The following SEC24A variants were observed in gnomAD, a reference collection of about 807,000 sequenced individuals.
SEC24A encodes SEC24 homolog A, COPII component, also known as protein transport protein Sec24A.
Under a neutral mutation model 129.4 loss-of-function variants are expected in SEC24A, and 93 were observed. The observed-to-expected ratio is 0.72, with a 90% CI of 0.61 to 0.85. The LOEUF (loss-of-function observed/expected upper bound fraction) is 0.85, where lower values mean the gene tolerates loss of function less well. Among genes scored for constraint, SEC24A ranks in the 40% least tolerant of loss-of-function variants. The pLI is 0.00. For synonymous variants in SEC24A, 460 were observed against 467.3 expected (o/e 0.98, Z 0.20); for missense variants, 1,264 against 1,307.4 (o/e 0.97, Z 0.51).
chr5:134,649,501 C>T (rs1488409085), intron 1 of SEC24A, among the ~76,000 whole-genome samples: 1 of 152,098 alleles, frequency 6.6e-6, no homozygotes, highest in South Asian at 2.1e-4. Context: ...CCTTCCTTGC[C>T]ACCTCACCCC....
At chr5:134,706,214 T>C (rs1223293414) in intron 17 of SEC24A, among the ~76,000 whole-genome samples, 1 of 152,164 alleles carries the variant, frequency 6.6e-6, no homozygotes, top group Non-Finnish European at 1.5e-5. Flanking sequence ...TGGTTAATAT[T>C]AGTGCTGTTT....
intron 1 of SEC24A, among the ~76,000 whole-genome samples, chr5:134,651,127 C>T (rs1462441031): frequency 1.4e-5 from 2 of 143,578 alleles, no homozygotes; most frequent in African/African-American, 2.6e-5. Flanking sequence ...CAGGATCTTA[C>T]TTAAACTGTC....
chr5:134,666,955 A>T lies in SEC24A; in HGVS notation c.698A>T (p.Asp233Val), dbSNP rs1220411052. 22 of 1,608,730 alleles carry T rather than the reference A, an allele frequency of 1.4e-5. No individual in the cohort carries two copies. Among genetic ancestry groups the T allele is most frequent in the Non-Finnish European group, 1.9e-5 (22 of 1,178,748 alleles). ...ACGCCCCTGACATCATCATATAGAG[A>T]TGTACCCCAGCCCTTATTTAATTCA... The part of the protein sequence containing the change: ...ALTPLTSSYR[D>V]VPQPLFNSAV... Residue 233 changes from aspartate to valine, a missense_variant, in exon 3 of 23, where the codon GAT becomes GTT. Physicochemically the swap from Asp to Val is radical, Grantham distance 152. Coordinates refer to ENST00000398844, the MANE Select transcript of SEC24A (RefSeq NM_021982.3).
chr5:134,712,203 G>A (rs1752347656), intron 18 of SEC24A, among the ~76,000 whole-genome samples: 1 of 151,914 alleles, frequency 6.6e-6, no homozygotes, highest in South Asian at 2.1e-4. Flanking sequence ...GGTGAGAAGA[G>A]CAACTCATTA....
chr5:134,683,273 C>T (rs1404168871), intron 9 of SEC24A, among the ~76,000 whole-genome samples: 2 of 152,204 alleles, frequency 1.3e-5, no homozygotes, highest in Non-Finnish European at 2.9e-5. Context: ...CCCACCTCGG[C>T]CTCCCAGAGT....
intron 9 of SEC24A, among the ~76,000 whole-genome samples, chr5:134,686,459 A>G (rs979748010): frequency 1.3e-5 from 2 of 151,902 alleles, no homozygotes; most frequent in African/African-American, 2.4e-5. Flanking sequence ...CTGGTCTCGA[A>G]CTCCTGACCT....
At position 134,658,124 on chromosome 5, in the gene SEC24A, C is replaced by CG. The variant is rs543883023; in HGVS notation, c.98-2995_98-2994insG. Among the ~76,000 whole-genome samples, 35 of 152,072 alleles carry CG rather than the reference C, an allele frequency of 2.3e-4. 2 individuals are homozygous for CG. The South Asian group carries it at 7.3e-3, about 32-fold the overall frequency. Reference sequence around the variant, plus strand: ...TCTCTACTAAAAATACAAAATTAGCCAGCGTGGTGGTGCACACCTGTAATC... The same window carrying CG: ...TCTCTACTAAAAATACAAAATTAGCCGAGCGTGGTGGTGCACACCTGTAATC... On this transcript the variant is annotated intron_variant, in intron 1 of 22. Coordinates refer to ENST00000398844, the MANE Select transcript of SEC24A (RefSeq NM_021982.3).
In SEC24A at chr5:134,661,576, C is replaced by A; in HGVS notation, c.555C>A (p.Phe185Leu). The A allele has an allele frequency of 1.2e-6, 2 of 1,609,540 alleles. No homozygotes were observed. The highest frequency in any genetic ancestry group is 2.2e-5 in the South Asian group (2 of 90,924). ...GATATCCTTCACTTCAAAATAGCTT[C>A]ATAAAGTCAGGTAGTATTCTTATAG... ...SSGYPSLQNS[F>L]IKSGPSVPPL... is the part of the protein sequence containing the mutation. The change falls in exon 2 of 23, where the codon TTC becomes TTA. Residue 185 changes from phenylalanine (F) to leucine (L), a missense_variant. Phe to Leu is a conservative substitution (Grantham distance 22). Coordinates refer to ENST00000398844, the MANE Select transcript of SEC24A (RefSeq NM_021982.3).
chr5:134,662,086 C>T (rs548568451), intron 2 of SEC24A, among the ~76,000 whole-genome samples: 3 of 152,198 alleles, frequency 2.0e-5, no homozygotes, highest in Admixed American at 6.6e-5. Flanking sequence ...CCACCTCAGC[C>T]TCCCAAAGTG....
intron 15 of SEC24A, among the ~76,000 whole-genome samples, chr5:134,701,513 C>CT (rs10714056): frequency 2.8e-4 from 39 of 136,928 alleles, no homozygotes; most frequent in Non-Finnish European, 3.7e-4. Context: ...CCTTTGCCCT[C>CT]TTTTTTTTTT....
chr5:134,716,800 CAAAA>C (rs200176385), intron 19 of SEC24A, among the ~76,000 whole-genome samples: 1 of 58,768 alleles, frequency 1.7e-5, no homozygotes. Flanking sequence ...GATTCCATCT[CAAAA>C]AAAAAAAAAA....
intron 3 of SEC24A, among the ~76,000 whole-genome samples, chr5:134,670,209 G>A (rs1750810043): frequency 6.6e-6 from 1 of 152,218 alleles, no homozygotes; most frequent in African/African-American, 2.4e-5. Flanking sequence ...ACAGGTGTAA[G>A]CGTCCACGCC....
At position 134,674,618 on chromosome 5, in the gene SEC24A, C is replaced by T. The variant is rs749069996; in HGVS notation, c.821C>T (p.Thr274Ile). The T allele has an allele frequency of 5.6e-6, 9 of 1,612,420 alleles. No homozygotes were observed. In the Middle Eastern group the frequency reaches 8.3e-4, roughly 148 times the overall value. ...DEIEGGGLLA[T>I]PQLTNKNPKM... is the part of the protein sequence containing the mutation. ...TTAAAAGTTACCTTGTTTCTAGCAACACCACAGCTTACTAACAAGAATCCC... is the reference window on the plus strand; with the variant it reads ...TTAAAAGTTACCTTGTTTCTAGCAATACCACAGCTTACTAACAAGAATCCC... Residue 274 changes from threonine to isoleucine, a missense_variant, in exon 5 of 23, where the codon ACA becomes ATA. Physicochemically the swap from Thr to Ile is moderately conservative, Grantham distance 89. Coordinates refer to ENST00000398844, the MANE Select transcript of SEC24A (RefSeq NM_021982.3).
chr5:134,718,037 TA>T (rs1752528956), intron 19 of SEC24A, 31 bp from the exon 20 acceptor site: 2 of 1,537,188 alleles, frequency 1.3e-6, no homozygotes, highest in African/African-American at 1.4e-5. Flanking sequence ...TTCCTATATT[TA>T]AAACCTTTAC....
chr5:134,715,037 C>A lies in SEC24A; in HGVS notation c.2741C>A (p.Thr914Asn), dbSNP rs375906594. ...TTTCTGTTACAGAAATCATTCCAGA[C>A]TGGGACAAATGCACGTCTAGATGAA... The part of the protein sequence containing the change: ...LALLKQKSFQ[T>N]GTNARLDERI... The change falls in exon 19 of 23, where the codon ACT becomes AAT. Residue 914 changes from threonine to asparagine, a missense_variant. By Grantham distance (65) the Thr-to-Asn change is moderately conservative. Coordinates refer to ENST00000398844, the MANE Select transcript of SEC24A (RefSeq NM_021982.3). 7.4e-6 allele frequency: 12 copies of A among 1,612,570 alleles called. No individual in the cohort carries two copies. The highest frequency in any genetic ancestry group is 1.3e-5 in the African/African-American group (1 of 74,796).
At position 134,697,979 on chromosome 5, in the gene SEC24A, A is replaced by G; in HGVS notation, c.2188A>G (p.Lys730Glu). The part of the protein sequence containing the change: ...HHQHNPVQVQ[K>E]LQKELQRYLT... ...TCAGCACAACCCAGTCCAAGTACAG[A>G]AATTACAGAAGGAACTACAGAGATA... Residue 730 changes from lysine (K) to glutamate (E), a missense_variant, in exon 15 of 23, where the codon AAA (lysine) becomes GAA (glutamate). Lys to Glu is a moderately conservative substitution (Grantham distance 56). Coordinates refer to ENST00000398844, the MANE Select transcript of SEC24A (RefSeq NM_021982.3). 1 of 1,614,112 alleles carries G rather than the reference A, an allele frequency of 6.2e-7. No individual in the cohort carries two copies.
In SEC24A at chr5:134,661,450, A is replaced by T. The variant is rs1395598886; in HGVS notation, c.429A>T (p.Pro143=). ...PPPLNWQYNY[P]STASQTNHCP... ...CTTTGAATTGGCAATATAACTATCC[A>T]TCCACAGCCTCACAAACAAACCATT... Residue 143 remains proline (P), a synonymous_variant, in exon 2 of 23, where the codon CCA becomes CCT. Coordinates refer to ENST00000398844, the MANE Select transcript of SEC24A (RefSeq NM_021982.3). 1 of 1,614,054 alleles carries T rather than the reference A, an allele frequency of 6.2e-7. No homozygotes were observed. The highest frequency in any genetic ancestry group is 2.2e-5 in the East Asian group (1 of 44,898).
rs190993190 is a variant in SEC24A at position 134,694,603 on chromosome 5, C to T, written c.1986+670C>T. On this transcript the variant is annotated intron_variant, in intron 13 of 22. Coordinates refer to ENST00000398844, the MANE Select transcript of SEC24A (RefSeq NM_021982.3). ...CGGAGCTTGCAGTGAGCTGAGATTG[C>T]GGCACTGCACTCCAGCACTCCAGCC... Among the ~76,000 whole-genome samples, 282 of 151,092 alleles carry T rather than the reference C, an allele frequency of 1.9e-3. 3 individuals are homozygous for T. The highest frequency in any genetic ancestry group is 2.7e-4 in the Non-Finnish European group (18 of 67,842).
intron 17 of SEC24A, among the ~76,000 whole-genome samples, chr5:134,707,949 CA>C (rs57365624): frequency 2.0e-5 from 3 of 151,416 alleles, no homozygotes; most frequent in East Asian, 3.9e-4. Context: ...ACTAAAAATA[CA>C]AAAAAACAAA....
Sources: allele counts gnomAD v4.1 joint callset (sites outside exome capture counted in the v4.1 genomes callset), GRCh38; gene constraint gnomAD v4.1.1; transcripts MANE v1.5; gene names NCBI Gene and HGNC (gene_info 2026-07-23, HGNC 2026-07-21).